ADGRB3: variants seen among roughly 807,000 people sequenced by gnomAD.
ADGRB3 encodes the protein adhesion G protein-coupled receptor B3.
Under a neutral mutation model 193.4 loss-of-function variants are expected in ADGRB3, and 37 were observed. The observed-to-expected ratio is 0.19, with a 90% confidence interval of 0.15 to 0.25. The LOEUF (loss-of-function observed/expected upper bound fraction) is 0.25. Ranked by LOEUF, ADGRB3 falls within the 10% of genes least tolerant of loss-of-function variation. The pLI is 1.00. For missense variants in ADGRB3, 1,637 were observed against 1,852.9 expected (o/e 0.88, Z 2.14); for synonymous variants, 690 against 644.2 (o/e 1.07, Z -1.08).
chr6:69,318,237 C>T (rs1242213106), intron 20 of ADGRB3, among the ~76,000 whole-genome samples: 3 of 151,102 alleles, frequency 2.0e-5, no homozygotes, highest in Non-Finnish European at 3.0e-5. Flanking sequence ...CTTTATTAAC[C>T]AAGAATGTTC....
Position 68,913,228 on chromosome 6 carries a change from G to T in ADGRB3, c.758-17331G>T, listed in dbSNP as rs189875472. ...AGCACAGATGGATATCTGAGAATGG[G>T]CAGACTGCCTCCTCAAGTGGGTCCC... On this transcript the variant is annotated intron_variant, in intron 3 of 31. Transcript: ENST00000370598. 2.9e-3 allele frequency among the ~76,000 whole-genome samples: 446 copies of T among 152,296 alleles called. 3 individuals are homozygous for T. The highest frequency in any genetic ancestry group is 9.2e-3 in the African/African-American group (383 of 41,562).
rs756681770 is a variant in ADGRB3 at position 68,936,611 on chromosome 6, C to T, written c.961C>T (p.Pro321Ser). 1.2e-5 allele frequency: 20 copies of T among 1,613,982 alleles called. No individual in the cohort carries two copies. The highest frequency in any genetic ancestry group is 1.7e-5 in the Non-Finnish European group (20 of 1,179,974). ...GGTGCGAACCAGAACTTGTGTATCA[C>T]CTTACGGGACACACTGCAGCGGCCC... ...SQVRTRTCVS[P>S]YGTHCSGPLR... Residue 321 changes from proline (P) to serine (S), a missense_variant, in exon 5 of 32, where the codon CCT becomes TCT. Physicochemically the swap from Pro to Ser is moderately conservative, Grantham distance 74 (BLOSUM62 -1). Around this residue, in one of 7 missense-constraint regions of ADGRB3, gnomAD observed 365 missense variants for 409.8 expected, o/e 0.89. Coordinates refer to ENST00000370598, the MANE Select transcript of ADGRB3 (RefSeq NM_001704.3).
At chr6:69,087,092 G>A (rs9454688) in intron 17 of ADGRB3, among the ~76,000 whole-genome samples, 4 of 151,944 alleles carry the variant, frequency 2.6e-5, no homozygotes, top group East Asian at 1.9e-4. Context: ...TCCTTTACAC[G>A]TTCTAACTTG....
chr6:69,201,601 G>A (rs958177230), intron 17 of ADGRB3, among the ~76,000 whole-genome samples: 2 of 151,974 alleles, frequency 1.3e-5, no homozygotes, highest in African/African-American at 4.8e-5. Context: ...AATATCAAAA[G>A]TATATATTTT....
intron 11 of ADGRB3, among the ~76,000 whole-genome samples, chr6:69,010,679 C>G (rs536659676): frequency 2.6e-5 from 4 of 151,204 alleles, no homozygotes; most frequent in African/African-American, 9.7e-5. Context: ...AAATGTTAAA[C>G]TGGGTCTGCC....
intron 20 of ADGRB3, among the ~76,000 whole-genome samples, chr6:69,297,358 CTCTCTCTCTT>C (rs1306315096): frequency 3.2e-5 from 4 of 125,292 alleles, no homozygotes; most frequent in African/African-American, 1.4e-4. Flanking sequence ...CTCTCTCTCT[CTCTCTCTCTT>C]TCTCTCTCTC....
chr6:68,814,002 T>C (rs1383380211), intron 3 of ADGRB3, among the ~76,000 whole-genome samples: 4 of 152,212 alleles, frequency 2.6e-5, no homozygotes, highest in Non-Finnish European at 5.9e-5. Flanking sequence ...TTGTGAATAG[T>C]GCCACAATAA....
rs1301868778 is a variant in ADGRB3 at position 68,786,472 on chromosome 6, A to G, written c.758-144087A>G. 6.6e-5 allele frequency among the ~76,000 whole-genome samples: 10 copies of G among 152,118 alleles called. No homozygotes were observed. In the South Asian group the frequency reaches 1.0e-3, roughly 16 times the overall value. On this transcript the variant is annotated intron_variant, in intron 3 of 31. Transcript: ENST00000370598. ...AAAGATCAGATAGTTGTAGATATGC[A>G]GCGTTATTTCTGAGGGCTCTGTTCT...
intron 30 of ADGRB3, among the ~76,000 whole-genome samples, chr6:69,374,533 G>A (rs1305311311): frequency 6.6e-6 from 1 of 151,968 alleles, no homozygotes; most frequent in Non-Finnish European, 1.5e-5. Context: ...ACTCCCCAGA[G>A]TCCACACACT....
intron 18 of ADGRB3, 46 bp downstream of exon 18, chr6:69,233,462 A>G: frequency 6.2e-7 from 1 of 1,610,096 alleles, no homozygotes; most frequent in East Asian, 2.2e-5. Flanking sequence ...AGACAGGGAT[A>G]TTGTGGCTAG....
At chr6:68,783,333 T>A (rs1766897148) in intron 3 of ADGRB3, among the ~76,000 whole-genome samples, 1 of 146,946 alleles carries the variant, frequency 6.8e-6, no homozygotes, top group South Asian at 2.1e-4. Context: ...AATATATATA[T>A]AATATACATA....
At chr6:69,257,946 A>T (rs750925181) in intron 20 of ADGRB3, among the ~76,000 whole-genome samples, 1 of 152,170 alleles carries the variant, frequency 6.6e-6, no homozygotes, top group East Asian at 1.9e-4. Context: ...CGTGGTTGTT[A>T]TCCTATAGTG....
intron 10 of ADGRB3, 63 bp from the exon 11 acceptor site, chr6:68,993,705 A>G: frequency 6.8e-7 from 1 of 1,480,402 alleles, no homozygotes; most frequent in Non-Finnish European, 9.2e-7. Flanking sequence ...TTGTTTGATG[A>G]AGTTATTCAG....
At chr6:68,911,291 T>C (rs1766701291) in intron 3 of ADGRB3, among the ~76,000 whole-genome samples, 2 of 140,520 alleles carry the variant, frequency 1.4e-5, no homozygotes, top group South Asian at 5.2e-4. Flanking sequence ...GGGGGAGGGC[T>C]AGCATTAGGA....
rs139222153 is a variant in ADGRB3 at position 69,283,961 on chromosome 6, T to G, written c.2815-40911T>G. On this transcript the variant is annotated intron_variant, in intron 20 of 31. Coordinates refer to ENST00000370598, the MANE Select transcript of ADGRB3 (RefSeq NM_001704.3). The stretch of plus-strand genomic sequence containing the variant: ...GAAGTTACTATACTCTGTAAGCTCT[T>G]CCCTGAAAAGAGGAAAAACAACCGT... 6.0e-3 allele frequency among the ~76,000 whole-genome samples: 914 copies of G among 152,264 alleles called. 5 individuals carry two copies. The highest frequency in any genetic ancestry group is 0.014 in the Middle Eastern group (4 of 294).
chr6:68,660,924 T>C (rs1768615217), intron 3 of ADGRB3, among the ~76,000 whole-genome samples: 1 of 150,706 alleles, frequency 6.6e-6, no homozygotes, highest in Non-Finnish European at 1.5e-5. Flanking sequence ...AAAATCATGA[T>C]TCTTAGTGTT....
chr6:69,160,496 C>T (rs192938999), intron 17 of ADGRB3, among the ~76,000 whole-genome samples: 84 of 152,256 alleles, frequency 5.5e-4, no homozygotes, highest in African/African-American at 1.9e-3. Flanking sequence ...CAGGACTTTT[C>T]TCAAATGTTA....
At chr6:68,912,421 G>T (rs1266940467) in intron 3 of ADGRB3, among the ~76,000 whole-genome samples, 1 of 151,620 alleles carries the variant, frequency 6.6e-6, no homozygotes, top group Non-Finnish European at 1.5e-5. Flanking sequence ...ACAATGTGCA[G>T]GTTAGTTACA....
chr6:68,968,587 G>C (rs1350182917), intron 8 of ADGRB3, among the ~76,000 whole-genome samples: 1 of 152,158 alleles, frequency 6.6e-6, no homozygotes, highest in Non-Finnish European at 1.5e-5. Context: ...TAAATGAAGA[G>C]ATAATGAGGG....
Sources: allele counts gnomAD v4.1 joint callset (sites outside exome capture counted in the v4.1 genomes callset), GRCh38; gene constraint gnomAD v4.1.1; regional missense constraint gnomAD v4.1.1; transcripts MANE v1.5; gene names NCBI Gene and HGNC (gene_info 2026-07-23, HGNC 2026-07-21).